The following KCTD1 variants were observed in gnomAD, a reference collection of about 807,000 sequenced individuals.
KCTD1 encodes the protein BTB/POZ domain-containing protein KCTD1.
A neutral mutation model predicts 66.0 loss-of-function variants in KCTD1; 24 were observed. That is an observed-to-expected ratio of 0.36 (90% confidence interval 0.26 to 0.51). The LOEUF is 0.51. Among genes scored for constraint, KCTD1 ranks in the 20% least tolerant of loss-of-function variants. The pLI is 0.95. For missense variants in KCTD1, 943 were observed against 1,205.2 expected (o/e 0.78, Z 3.22); for synonymous variants, 511 against 517.2 (o/e 0.99, Z 0.16).
chr18:26,549,116 C>G, upstream of KCTD1: 1 of 984,808 alleles, frequency 1.0e-6, no homozygotes, highest in South Asian at 4.7e-5. Flanking sequence ...GCGGAGCAGG[C>G]AGGTTAATGA....
chr18:26,466,181 GT>G (rs1980724057), intron 3 of KCTD1, among the ~76,000 whole-genome samples: 1 of 152,202 alleles, frequency 6.6e-6, no homozygotes, highest in African/African-American at 2.4e-5. Flanking sequence ...CAATGTGTGT[GT>G]TGCCACAGCT....
chr18:26,559,086 G>T (rs958840835), intron 1 of KCTD1, among the ~76,000 whole-genome samples: 3 of 152,126 alleles, frequency 2.0e-5, no homozygotes, highest in African/African-American at 7.2e-5. Flanking sequence ...GTAGAGGATG[G>T]TTACCAGAGA....
chr18:26,587,710 C>T (rs925205026), intron 1 of KCTD1, among the ~76,000 whole-genome samples: 24 of 152,106 alleles, frequency 1.6e-4, no homozygotes, highest in East Asian at 1.9e-4. Flanking sequence ...CCCTCATAAA[C>T]GACTTTCAGG....
chr18:26,619,509 T>C (rs566628973), intron 1 of KCTD1, among the ~76,000 whole-genome samples: 28 of 152,302 alleles, frequency 1.8e-4, no homozygotes, highest in African/African-American at 6.7e-4. Context: ...AGAATAGCCA[T>C]TTCTCTTTAT....
At chr18:26,523,646 A>T (rs1029150459) in intron 1 of KCTD1, among the ~76,000 whole-genome samples, 1 of 152,212 alleles carries the variant, frequency 6.6e-6, no homozygotes, top group African/African-American at 2.4e-5. Flanking sequence ...AAATTAAAAA[A>T]TTTAAAACAA....
At chr18:26,592,904 TGTCTG>T (rs2144947983) in intron 1 of KCTD1, among the ~76,000 whole-genome samples, 1 of 152,338 alleles carries the variant, frequency 6.6e-6, no homozygotes, top group South Asian at 2.1e-4. Flanking sequence ...TTATATTCTT[TGTCTG>T]TGACATAGTA....
intron 3 of KCTD1, among the ~76,000 whole-genome samples, chr18:26,471,135 C>T (rs7234204): frequency 0.84 from 128,283 of 152,024 alleles, 54,304 homozygotes; most frequent in African/African-American, 0.89. Context: ...ACAACAAAGC[C>T]GAGTATACAG....
chr18:26,603,990 A>G (rs944214366), intron 1 of KCTD1, among the ~76,000 whole-genome samples: 9 of 152,146 alleles, frequency 5.9e-5, no homozygotes, highest in Non-Finnish European at 1.0e-4. Context: ...AGAATGGGAG[A>G]AAATATTTGC....
chr18:26,515,941 T>C (rs1301837336), intron 1 of KCTD1, among the ~76,000 whole-genome samples: 2 of 152,194 alleles, frequency 1.3e-5, no homozygotes, highest in African/African-American at 4.8e-5. Context: ...TTAGATGTTT[T>C]TTTAAAGCAA....
chr18:26,605,772 A>ATCTATC (rs1987002463), intron 1 of KCTD1, among the ~76,000 whole-genome samples: 1 of 128,052 alleles, frequency 7.8e-6, no homozygotes, highest in African/African-American at 3.0e-5. Flanking sequence ...ATCTATCTAT[A>ATCTATC]TTACATCTTA....
At chr18:26,467,798 G>T (rs865790917) in intron 3 of KCTD1, among the ~76,000 whole-genome samples, 3 of 152,116 alleles carry the variant, frequency 2.0e-5, no homozygotes, top group Non-Finnish European at 4.4e-5. Context: ...CTGGGTGACA[G>T]AGCGAGACCC....
chr18:26,477,742 A>C (rs1320397671), intron 2 of KCTD1, among the ~76,000 whole-genome samples: 1 of 152,196 alleles, frequency 6.6e-6, no homozygotes, highest in African/African-American at 2.4e-5. Flanking sequence ...AAGGCATGTG[A>C]ATTTTTGTTT....
intron 1 of KCTD1, chr18:26,591,478 G>C (rs886525735): frequency 1.3e-5 from 2 of 152,224 alleles, no homozygotes; most frequent in African/African-American, 4.8e-5. Flanking sequence ...AATTTAAAAA[G>C]GCCCTGAGCT....
chr18:26,614,395 C>T (rs1361917520), intron 1 of KCTD1, among the ~76,000 whole-genome samples: 1 of 152,268 alleles, frequency 6.6e-6, no homozygotes, highest in Admixed American at 6.5e-5. Context: ...TGCTCCAAAG[C>T]AAAAGAATGG....
chr18:26,651,549 C>A (rs1268067815), intron 1 of KCTD1, among the ~76,000 whole-genome samples: 1 of 151,850 alleles, frequency 6.6e-6, no homozygotes, highest in African/African-American at 2.4e-5. Context: ...TTTGGGAGGC[C>A]GAGGTGGGCG....
In KCTD1 at chr18:26,547,090, C is replaced by G. The variant is rs780126328; in HGVS notation, c.1447G>C (p.Ala483Pro). ...TGGTGCCGTGCCGCCCCGTTCAGAG[C>G]CTCGGCGTAGCAGCCCTGCGGGGCG... ...SPAPQGCYAE[A>P]LNGAARHHSH... Residue 483 changes from alanine (A) to proline (P), a missense_variant, in exon 1 of 5, where the codon GCT (alanine) becomes CCT (proline). This residue lies in a region of KCTD1 where 197 missense variants were observed against 182.7 expected (regional missense o/e 1.08). Coordinates refer to ENST00000580059, the MANE Select transcript of KCTD1 (RefSeq NM_001142730.3). The G allele has an allele frequency of 1.9e-6, 3 of 1,544,634 alleles. No homozygotes were observed. Among genetic ancestry groups the G allele is most frequent in the African/African-American group, 2.7e-5 (2 of 72,956 alleles).
chr18:26,477,705 AG>A (rs918175588), intron 2 of KCTD1, among the ~76,000 whole-genome samples: 6 of 152,194 alleles, frequency 3.9e-5, no homozygotes, highest in African/African-American at 1.4e-4. Flanking sequence ...CAAGTAGGAA[AG>A]CTACTTCCCT....
intron 1 of KCTD1, among the ~76,000 whole-genome samples, chr18:26,636,238 C>A (rs1239213159): frequency 6.6e-6 from 1 of 152,034 alleles, no homozygotes; most frequent in African/African-American, 2.4e-5. Context: ...TGCAGAGTGC[C>A]CATCTGTCTA....
intron 1 of KCTD1, among the ~76,000 whole-genome samples, chr18:26,554,955 C>T (rs1427900090): frequency 6.6e-6 from 1 of 152,072 alleles, no homozygotes; most frequent in South Asian, 2.1e-4. Flanking sequence ...GAATGATAGT[C>T]ATTTCTTTCT....
Sources: gnomAD v4.1 joint callset for allele counts (sites outside exome capture counted in the v4.1 genomes callset) on GRCh38, gnomAD v4.1.1 for gene constraint, gnomAD v4.1.1 regional missense constraint, MANE v1.5 for transcripts, NCBI Gene and HGNC (gene_info 2026-07-23, HGNC 2026-07-21) for gene names.